Variants in UTS2B observed in about 807,000 individuals in gnomAD.
The protein encoded by UTS2B is urotensin 2B, also known as urotensin-2B.
A neutral mutation model predicts 19.2 loss-of-function variants in UTS2B; 21 were observed. The ratio of observed to expected loss-of-function variants is 1.09; its 90% CI spans 0.78 to 1.58. UTS2B has a LOEUF of 1.58. Among genes scored for constraint, UTS2B ranks in the 40% most tolerant of loss-of-function variants. The pLI is 0.00. For missense variants in UTS2B, 138 were observed against 130.3 expected (o/e 1.06, Z -0.29); for synonymous variants, 57 against 50.2 (o/e 1.14, Z -0.58).
chr3:191,319,107 T>C (rs111301525), intron 2 of UTS2B, among the ~76,000 whole-genome samples: 1 of 152,122 alleles, frequency 6.6e-6, no homozygotes, highest in African/African-American at 2.4e-5. Context: ...AATTTTCCTC[T>C]GTATTAGCTC....
upstream of UTS2B, among the ~76,000 whole-genome samples, chr3:191,332,832 A>G (rs1330786630): frequency 6.6e-6 from 1 of 152,156 alleles, no homozygotes; most frequent in Non-Finnish European, 1.5e-5. Context: ...TGAATTGTCC[A>G]CTTGCTGTAA....
intron 2 of UTS2B, among the ~76,000 whole-genome samples, chr3:191,324,978 A>G (rs1188811259): frequency 6.6e-6 from 1 of 152,160 alleles, no homozygotes; most frequent in Admixed American, 6.5e-5. Context: ...TGAACCTGGG[A>G]GTTGGAGGTT....
intron 8 of UTS2B, among the ~76,000 whole-genome samples, chr3:191,274,486 T>A (rs1201187303): frequency 6.6e-6 from 1 of 152,184 alleles, no homozygotes; most frequent in Non-Finnish European, 1.5e-5. Flanking sequence ...TCTCCAAGGT[T>A]GCGTAGGTAG....
intron 5 of UTS2B, 32 bp from the exon 6 acceptor site, chr3:191,278,202 T>C: frequency 2.5e-6 from 3 of 1,200,452 alleles, no homozygotes; most frequent in Non-Finnish European, 3.5e-6. Flanking sequence ...ATTTTCAATT[T>C]GAGTCACCGA....
chr3:191,314,020 C>A (rs766039545), intron 3 of UTS2B, among the ~76,000 whole-genome samples: 10 of 152,110 alleles, frequency 6.6e-5, no homozygotes, highest in Non-Finnish European at 1.5e-4. Context: ...CATGAGCCAC[C>A]GCACCAGGCC....
intron 4 of UTS2B, among the ~76,000 whole-genome samples, chr3:191,296,123 C>CA (rs1281094512): frequency 6.6e-6 from 1 of 152,172 alleles, no homozygotes; most frequent in Non-Finnish European, 1.5e-5. Context: ...CTCTCAATCT[C>CA]ATCTGTATCT....
chr3:191,340,005 G>T, the UTS2B span, among the ~76,000 whole-genome samples: 1 of 152,186 alleles, frequency 6.6e-6, no homozygotes, highest in Non-Finnish European at 1.5e-5. Flanking sequence ...AATTACCCTA[G>T]ATGAATAGGC....
In UTS2B at chr3:191,320,710, C is replaced by A. The variant is rs148214449; in HGVS notation, c.-585-4271G>T. ...TTAAAGCTTGAGTTGACTGAATCTG[C>A]TGAAGGATAAATGCAGGGTGTGAAA... On this transcript the variant is annotated intron_variant, in intron 2 of 8. Coordinates refer to ENST00000340524, the MANE Select transcript of UTS2B (RefSeq NM_198152.5). 1.4e-3 allele frequency among the ~76,000 whole-genome samples: 210 copies of A among 152,228 alleles called. 1 individual carries two copies. The highest frequency in any genetic ancestry group is 4.6e-3 in the South Asian group (22 of 4,822).
At chr3:191,272,250 T>C (rs1217265445) in intron 8 of UTS2B, among the ~76,000 whole-genome samples, 1 of 152,214 alleles carries the variant, frequency 6.6e-6, no homozygotes, top group African/African-American at 2.4e-5. Context: ...AGGGTGCTGC[T>C]GTAAAACATA....
intron 3 of UTS2B, among the ~76,000 whole-genome samples, chr3:191,311,833 T>C (rs780814005): frequency 1.3e-4 from 20 of 152,274 alleles, no homozygotes; most frequent in Admixed American, 3.3e-4. Context: ...ATTCCAGTTA[T>C]GTGGCATGAA....
intron 4 of UTS2B, among the ~76,000 whole-genome samples, chr3:191,292,112 A>G (rs1433725654): frequency 1.0e-5 from 1 of 100,050 alleles, no homozygotes. Flanking sequence ...TCAGCTTGCC[A>G]ATTTCTGAAA....
At chr3:191,306,094 T>C (rs1560142903) in intron 3 of UTS2B, among the ~76,000 whole-genome samples, 1 of 152,188 alleles carries the variant, frequency 6.6e-6, no homozygotes, top group Non-Finnish European at 1.5e-5. Flanking sequence ...TTGAAGTCGC[T>C]GAGTGTGATG....
intron 8 of UTS2B, among the ~76,000 whole-genome samples, 173 bp downstream of exon 8, chr3:191,275,079 C>A (rs1275716859): frequency 1.3e-5 from 2 of 152,122 alleles, no homozygotes; most frequent in Non-Finnish European, 2.9e-5. Flanking sequence ...CCAGAAAGCT[C>A]AAATACATTT....
chr3:191,297,814 T>G (rs1453643030), intron 4 of UTS2B, among the ~76,000 whole-genome samples: 1 of 152,220 alleles, frequency 6.6e-6, no homozygotes, highest in African/African-American at 2.4e-5. Flanking sequence ...TAATCTCTAT[T>G]TACGAACCAA....
intron 8 of UTS2B, among the ~76,000 whole-genome samples, chr3:191,268,811 A>G (rs192143557): frequency 6.6e-6 from 1 of 152,310 alleles, no homozygotes; most frequent in Admixed American, 6.5e-5. Context: ...TCATCCCTCT[A>G]TTTTACACTT....
intron 2 of UTS2B, among the ~76,000 whole-genome samples, chr3:191,324,911 G>A (rs543382882): frequency 5.9e-5 from 9 of 152,210 alleles, no homozygotes; most frequent in East Asian, 5.8e-4. Flanking sequence ...TTTGCTGGGC[G>A]TGGTGGTACA....
At chr3:191,270,995 G>C (rs979106621) in intron 8 of UTS2B, among the ~76,000 whole-genome samples, 10 of 151,982 alleles carry the variant, frequency 6.6e-5, no homozygotes, top group Non-Finnish European at 1.0e-4. Flanking sequence ...ATGAGGTCAG[G>C]AGATCGAGAC....
chr3:191,321,520 C>G (rs1717610510), intron 2 of UTS2B, among the ~76,000 whole-genome samples: 1 of 152,116 alleles, frequency 6.6e-6, no homozygotes, highest in African/African-American at 2.4e-5. Context: ...GCTTTTCAGC[C>G]TTTACTTTTC....
chr3:191,300,685 G>A (rs1716974666), intron 4 of UTS2B, among the ~76,000 whole-genome samples: 1 of 152,206 alleles, frequency 6.6e-6, no homozygotes, highest in South Asian at 2.1e-4. Flanking sequence ...TTGAAGGTGG[G>A]GCCTGGTGGG....
Sources: gnomAD v4.1 joint callset for allele counts (sites outside exome capture counted in the v4.1 genomes callset) on GRCh38, gnomAD v4.1.1 for gene constraint, MANE v1.5 for transcripts, NCBI Gene and HGNC (gene_info 2026-07-23, HGNC 2026-07-21) for gene names.